The following FNBP1 variants were observed in gnomAD, a reference collection of about 807,000 sequenced individuals.
FNBP1 encodes the protein formin-binding protein 1.
In FNBP1, 26 loss-of-function variants were observed where a neutral mutation model predicts 90.6. The observed-to-expected ratio is 0.29, with a 90% confidence interval of 0.21 to 0.40. The LOEUF is 0.40. FNBP1 is among the 10% of genes least tolerant of loss of function. The probability of loss-of-function intolerance (pLI) is 1.00; values close to 1 mark genes in which losing one functional copy is unlikely to be tolerated. For missense variants in FNBP1, 635 were observed against 768.0 expected, an observed-to-expected ratio of 0.83 and a Z score of 2.05; for synonymous variants, 260 against 265.2, an observed-to-expected ratio of 0.98 and a Z score of 0.19.
At chr9:130,013,625 A>G in intron 1 of FNBP1, 1 of 445,480 alleles carries the variant, frequency 2.2e-6, no homozygotes, top group South Asian at 1.6e-5. Context: ...GCTCATGTGC[A>G]CCAAGAGACA....
chr9:129,932,493 T>A (rs1332358581), intron 6 of FNBP1, among the ~76,000 whole-genome samples: 2 of 152,156 alleles, frequency 1.3e-5, no homozygotes, highest in Admixed American at 6.6e-5. Flanking sequence ...CCTAAGGTAA[T>A]TCACAGTTGC....
chr9:129,887,864 G>A lies in FNBP1; in HGVS notation c.*2675C>T. The A allele has an allele frequency of 4.3e-6, 1 of 231,230 alleles. No homozygotes were observed. The highest frequency in any genetic ancestry group is 6.1e-5 in the East Asian group (1 of 16,296). 14.3% of individuals were successfully genotyped at this position (231,230 alleles called of 1,614,324 possible). On this transcript the variant is annotated 3_prime_UTR_variant, in exon 17 of 17. Coordinates refer to ENST00000446176, the MANE Select transcript of FNBP1 (RefSeq NM_015033.3). ...ACGGGGGAGGAAGGAGACGTTCACGGGAAATTCCACATTCTACTCTATGTG... is the reference window on the plus strand; with the variant it reads ...ACGGGGGAGGAAGGAGACGTTCACGAGAAATTCCACATTCTACTCTATGTG...
At chr9:130,026,965 CA>C (rs765168982) in intron 1 of FNBP1, among the ~76,000 whole-genome samples, 5,116 of 76,032 alleles carry the variant, frequency 0.067, 91 homozygotes, top group Middle Eastern at 0.13. Context: ...GACCCTGTCT[CA>C]AAAAAAAAAA....
Position 130,041,089 on chromosome 9 carries a change from A to C in FNBP1, c.24+1863T>G, listed in dbSNP as rs1017681235. ...TGGGCCCAAAAGATCCTCCCGACTC[A>C]GCCTCCCAAGGTGCTGGCAATATAG... On this transcript the variant is annotated intron_variant, in intron 1 of 16. Transcript: ENST00000446176. The surrounding 1 kb of genome is among the most constrained non-coding windows in gnomAD (Gnocchi z 4.3). Among the ~76,000 whole-genome samples the C allele has an allele frequency of 2.0e-5, 3 of 150,228 alleles. No homozygotes were observed. Among genetic ancestry groups the C allele is most frequent in the Non-Finnish European group, 3.0e-5 (2 of 67,790 alleles).
chr9:129,915,133 A>G (rs976608525), intron 11 of FNBP1, among the ~76,000 whole-genome samples: 1 of 151,964 alleles, frequency 6.6e-6, no homozygotes, highest in Admixed American at 6.6e-5. Flanking sequence ...GCTATGCACA[A>G]GGCACCAACA....
intron 6 of FNBP1, among the ~76,000 whole-genome samples, chr9:129,941,146 T>C (rs1314825979): frequency 6.6e-6 from 1 of 151,910 alleles, no homozygotes; most frequent in Non-Finnish European, 1.5e-5. Context: ...CCCCGCACTT[T>C]GGGAGGCTGA....
At chr9:129,990,628 A>G (rs141438294) in intron 2 of FNBP1, among the ~76,000 whole-genome samples, 1 of 152,320 alleles carries the variant, frequency 6.6e-6, no homozygotes, top group East Asian at 1.9e-4. Context: ...TTTACTCTGA[A>G]TGAAATGGGG....
Position 129,900,193 on chromosome 9 carries a change from C to T in FNBP1, c.1551-92G>A, listed in dbSNP as rs372693589. 341 of 1,386,300 alleles carry T rather than the reference C, an allele frequency of 2.5e-4. 1 individual carries two copies. In the Middle Eastern group the frequency reaches 2.9e-3, roughly 12 times the overall value. The allele number at this position is 1,386,300 out of a possible 1,614,324, so 85.9% of individuals were successfully genotyped here. The stretch of plus-strand genomic sequence containing the variant: ...CCTGCGACTGGAGAGCACTTGCAAC[C>T]CCGCCCCTCAGCGAGTGCTGTAACT... On this transcript the variant is annotated intron_variant, in intron 14 of 16. Transcript: ENST00000446176. This position sits in a 1 kb window ranked among gnomAD's most constrained non-coding sequence, Gnocchi z 4.1.
rs773696540 is a variant in FNBP1 at position 129,889,280 on chromosome 9, C to G, written c.*1259G>C. The stretch of plus-strand genomic sequence containing the variant: ...CACGGGGTCTTTGGTGATGAAAGTG[C>G]TAACCTCGGCGGGGTGCGGTAGCTC... On this transcript the variant is annotated 3_prime_UTR_variant, in exon 17 of 17. Transcript: ENST00000446176. 6.3e-5 allele frequency: 12 copies of G among 189,160 alleles called. No individual in the cohort carries two copies. Among genetic ancestry groups the G allele is most frequent in the South Asian group, 1.9e-4 (1 of 5,150 alleles). The allele number at this position is 189,160 out of a possible 1,614,324, so 11.7% of individuals were successfully genotyped here. A position where few individuals can be genotyped will look rare whatever the true frequency, so the allele number is the denominator to read the frequency against.
chr9:130,042,751 G>A lies in FNBP1; in HGVS notation c.24+201C>T, dbSNP rs1324283869. On this transcript the variant is annotated intron_variant, in intron 1 of 16. Transcript: ENST00000446176. This position sits in a 1 kb window ranked among gnomAD's most constrained non-coding sequence, Gnocchi z 5.5. Reference sequence around the variant, plus strand: ...ACCCGCACCAACTCCCCTCGCCTCCGAAGGACAAGCCGGCCCGCACCTCCT... The same window carrying A: ...ACCCGCACCAACTCCCCTCGCCTCCAAAGGACAAGCCGGCCCGCACCTCCT... Among the ~76,000 whole-genome samples, 1 of 151,706 alleles carries A rather than the reference G, an allele frequency of 6.6e-6. No homozygotes were observed. The highest frequency in any genetic ancestry group is 2.4e-5 in the African/African-American group (1 of 41,354).
intron 12 of FNBP1, among the ~76,000 whole-genome samples, chr9:129,905,377 T>C (rs2037822172): frequency 6.6e-6 from 1 of 151,532 alleles, no homozygotes; most frequent in Non-Finnish European, 1.5e-5. Flanking sequence ...AGTGGTATGA[T>C]CTTGGCTCAC....
In FNBP1 at chr9:129,966,728, G is replaced by A. The variant is rs932964202; in HGVS notation, c.346-8175C>T. Among the ~76,000 whole-genome samples the A allele has an allele frequency of 2.8e-5, 4 of 143,444 alleles. No homozygotes were observed. The highest frequency in any genetic ancestry group is 1.0e-4 in the African/African-American group (4 of 39,306). 94.1% of individuals were successfully genotyped at this position (143,444 alleles called of 152,430 possible). Reference sequence around the variant, plus strand: ...AGTCTGGGTGATGGAGCGAGACTCCGTCTAAACAACAACAACAACAACAAC... The same window carrying A: ...AGTCTGGGTGATGGAGCGAGACTCCATCTAAACAACAACAACAACAACAAC... On this transcript the variant is annotated intron_variant, in intron 4 of 16. Transcript: ENST00000446176. The surrounding 1 kb of genome is among the most constrained non-coding windows in gnomAD (Gnocchi z 4.3).
chr9:129,931,675 G>C (rs1287404719), intron 6 of FNBP1, among the ~76,000 whole-genome samples: 2 of 151,780 alleles, frequency 1.3e-5, no homozygotes, highest in Non-Finnish European at 2.9e-5. Flanking sequence ...ATGTGTGCCT[G>C]TGGTCCCAGC....
chr9:130,046,738 A>G (rs1378207970), upstream of FNBP1, among the ~76,000 whole-genome samples: 1 of 148,536 alleles, frequency 6.7e-6, no homozygotes, highest in South Asian at 2.1e-4. Context: ...ACTACACTCC[A>G]GCCACTGTAC....
intron 6 of FNBP1, among the ~76,000 whole-genome samples, chr9:129,956,989 C>T (rs1039027223): frequency 8.6e-5 from 13 of 150,360 alleles, no homozygotes; most frequent in African/African-American, 2.9e-4. Context: ...GATGGGTGGT[C>T]GGTGATGAAC....
In FNBP1 at chr9:129,970,999, C is replaced by T. The variant is rs577989166; in HGVS notation, c.345+7466G>A. On this transcript the variant is annotated intron_variant, in intron 4 of 16. Coordinates refer to ENST00000446176, the MANE Select transcript of FNBP1 (RefSeq NM_015033.3). ...CCTCCAGGTTCAAGCAATTCTCCTG[C>T]CTCAGCCTCCTGAGTAGCTGGGATT... Among the ~76,000 whole-genome samples the T allele has an allele frequency of 2.0e-5, 3 of 152,172 alleles. No homozygotes were observed. The East Asian group carries it at 5.8e-4, about 29-fold the overall frequency.
At chr9:130,033,150 T>C (rs2058958563) in intron 1 of FNBP1, among the ~76,000 whole-genome samples, 1 of 152,208 alleles carries the variant, frequency 6.6e-6, no homozygotes, top group Admixed American at 6.5e-5. Flanking sequence ...CTATCACCTT[T>C]CATCCAACAA....
At chr9:129,915,522 C>T (rs372902412) in intron 11 of FNBP1, among the ~76,000 whole-genome samples, 1 of 152,090 alleles carries the variant, frequency 6.6e-6, no homozygotes, top group African/African-American at 2.4e-5. Context: ...CGCTGCCACG[C>T]CCGGCTAATT....
At chr9:130,019,031 C>A (rs1308212713) in intron 1 of FNBP1, among the ~76,000 whole-genome samples, 1 of 152,122 alleles carries the variant, frequency 6.6e-6, no homozygotes, top group Non-Finnish European at 1.5e-5. Context: ...TCAAGACCAG[C>A]TTGGGCAATA....
Sources: allele counts gnomAD v4.1 joint callset (sites outside exome capture counted in the v4.1 genomes callset), GRCh38; gene constraint gnomAD v4.1.1; non-coding constraint Gnocchi (gnomAD v3.1); transcripts MANE v1.5; gene names NCBI Gene and HGNC (gene_info 2026-07-23, HGNC 2026-07-21).